ZNF496: variants seen among roughly 807,000 people sequenced by gnomAD.
ZNF496 encodes NSD1 (nuclear receptor binding SET-domain containing 1)-interacting zinc finger protein 1.
In ZNF496, 11 loss-of-function variants were observed where a neutral mutation model predicts 58.9. The ratio of observed to expected loss-of-function variants is 0.19; its 90% CI spans 0.12 to 0.31. The LOEUF (loss-of-function observed/expected upper bound fraction) is 0.31, where lower values mean the gene tolerates loss of function less well. Ranked by LOEUF, ZNF496 falls within the 10% of genes least tolerant of loss-of-function variation. The probability of loss-of-function intolerance (pLI) is 1.00; values close to 1 mark genes in which losing one functional copy is unlikely to be tolerated. For missense variants in ZNF496, 660 were observed against 783.0 expected, an observed-to-expected ratio of 0.84 and a Z score of 1.88; for synonymous variants, 338 against 318.2, an observed-to-expected ratio of 1.06 and a Z score of -0.66.
chr1:247,321,139 A>G (rs551516809), intron 6 of ZNF496, among the ~76,000 whole-genome samples: 22 of 152,016 alleles, frequency 1.4e-4, no homozygotes, highest in Admixed American at 3.3e-4. Flanking sequence ...TCGAGCCACT[A>G]CACTTCAGCC....
At chr1:247,310,656 TG>T in intron 6 of ZNF496, 200 bp from the exon 7 acceptor site, 1 of 602,444 alleles carries the variant, frequency 1.7e-6, no homozygotes, top group Non-Finnish European at 2.9e-6. Context: ...GCCCACTTCT[TG>T]GTCAAAAGAC....
chr1:247,328,199 C>T (rs998182433), intron 5 of ZNF496, among the ~76,000 whole-genome samples: 1 of 152,234 alleles, frequency 6.6e-6, no homozygotes, highest in Non-Finnish European at 1.5e-5. Context: ...TGGCCCCACA[C>T]ACTAGACACC....
chr1:247,320,053 G>C lies in ZNF496; in HGVS notation c.651+3101C>G, dbSNP rs189838827. On this transcript the variant is annotated intron_variant, in intron 6 of 9. Transcript: ENST00000682384. Reference sequence around the variant, plus strand: ...TTATTAATCAAAAGAAAGAAGAAAAGCTATATTAACATCAGATAAGAGTAC... The same window carrying C: ...TTATTAATCAAAAGAAAGAAGAAAACCTATATTAACATCAGATAAGAGTAC... Among the ~76,000 whole-genome samples the C allele has an allele frequency of 2.1e-3, 313 of 152,256 alleles. 1 individual carries two copies. The highest frequency in any genetic ancestry group is 0.014 in the Middle Eastern group (4 of 294).
At chr1:247,303,570 C>G (rs952335178) in intron 9 of ZNF496, among the ~76,000 whole-genome samples, 2 of 152,080 alleles carry the variant, frequency 1.3e-5, no homozygotes, top group Non-Finnish European at 1.5e-5. Flanking sequence ...GGAGATCCTC[C>G]AATTATAAAG....
chr1:247,310,776 A>T (rs1292023375), intron 6 of ZNF496: 1 of 241,334 alleles, frequency 4.1e-6, no homozygotes, highest in Non-Finnish European at 8.1e-6. Flanking sequence ...TTACCAGATC[A>T]TCTCCCCAAA....
intron 9 of ZNF496, among the ~76,000 whole-genome samples, chr1:247,302,656 C>T (rs1188141435): frequency 1.3e-5 from 2 of 152,070 alleles, no homozygotes; most frequent in Admixed American, 6.5e-5. Flanking sequence ...CTATGTTTGA[C>T]GCTTATCTCG....
intron 6 of ZNF496, chr1:247,322,928 T>C: frequency 2.6e-6 from 2 of 780,630 alleles, no homozygotes; most frequent in Non-Finnish European, 3.9e-6. Context: ...CAAAGCTTCC[T>C]GAAGGTGGCC....
chr1:247,327,062 C>CTT (rs928729699), intron 5 of ZNF496, among the ~76,000 whole-genome samples: 1 of 151,248 alleles, frequency 6.6e-6, no homozygotes, highest in Non-Finnish European at 1.5e-5. Context: ...CTCCTAGCTC[C>CTT]TTTTTTTTTG....
Position 247,309,851 on chromosome 1 carries a change from T to C in ZNF496, c.785-45A>G. Reference sequence around the variant, plus strand: ...GGGTACATGTTTATTAGTAATCTGATCCTGCAGCAACCAGGGCTGGTCCAG... The same window carrying C: ...GGGTACATGTTTATTAGTAATCTGACCCTGCAGCAACCAGGGCTGGTCCAG... On this transcript the variant is annotated intron_variant, in intron 7 of 9. Coordinates refer to ENST00000682384, the MANE Select transcript of ZNF496 (RefSeq NM_032752.3). This position sits in a 1 kb window ranked among gnomAD's most constrained non-coding sequence, Gnocchi z 4.3. 2 of 1,602,410 alleles carry C rather than the reference T, an allele frequency of 1.2e-6. No individual in the cohort carries two copies. The highest frequency in any genetic ancestry group is 1.7e-6 in the Non-Finnish European group (2 of 1,171,032).
rs1481539109 is a variant in ZNF496 at position 247,308,594 on chromosome 1, C to G, written c.893-6G>C. ...TGGCTGGAGACTTGGAGAGTCTTTC[C>G]AGAGGAGGAAATGGAAAAATTGATT... On this transcript the variant is annotated splice_region_variant and splice_polypyrimidine_tract_variant and intron_variant, in intron 8 of 9. Transcript: ENST00000682384. This position sits in a 1 kb window ranked among gnomAD's most constrained non-coding sequence, Gnocchi z 4.5. 1 of 1,612,950 alleles carries G rather than the reference C, an allele frequency of 6.2e-7. No individual in the cohort carries two copies. Among genetic ancestry groups the G allele is most frequent in the Non-Finnish European group, 8.5e-7 (1 of 1,179,138 alleles).
At chr1:247,307,068 A>G (rs924974117) in intron 9 of ZNF496, 2 of 983,846 alleles carry the variant, frequency 2.0e-6, no homozygotes, top group African/African-American at 3.5e-5. Flanking sequence ...CATAGAACAC[A>G]ATAAACAAGA....
At chr1:247,307,570 A>T (rs558253562) in intron 9 of ZNF496, 1 of 985,402 alleles carries the variant, frequency 1.0e-6, no homozygotes, top group South Asian at 4.7e-5. Context: ...TTAGAAAACC[A>T]GGGGTGGGCA....
chr1:247,307,504 A>G, intron 9 of ZNF496: 1 of 985,394 alleles, frequency 1.0e-6, no homozygotes, highest in African/African-American at 1.7e-5. Context: ...CCTGCGCTTG[A>G]ACTCCAAGTG....
At chr1:247,305,127 G>T (rs7522071) in intron 9 of ZNF496, among the ~76,000 whole-genome samples, 36,163 of 152,024 alleles carry the variant, frequency 0.24, 4,516 homozygotes, top group East Asian at 0.41. Context: ...GTAATTAAGT[G>T]AACATGACGA....
chr1:247,302,070 C>T (rs778726881), intron 9 of ZNF496, among the ~76,000 whole-genome samples: 138 of 152,030 alleles, frequency 9.1e-4, no homozygotes, highest in Non-Finnish European at 5.7e-4. Flanking sequence ...GTGCAGAGCC[C>T]GGCCTGAGGT....
intron 6 of ZNF496, among the ~76,000 whole-genome samples, chr1:247,322,197 G>A (rs955224292): frequency 6.6e-6 from 1 of 152,112 alleles, no homozygotes; most frequent in African/African-American, 2.4e-5. Flanking sequence ...GTGGGAGGAT[G>A]GCTTGAGCTC....
Position 247,300,216 on chromosome 1 carries a change from TTGGGGAGCA to T in ZNF496, c.*294_*302del. 3.8e-6 allele frequency: 1 copy of T among 266,644 alleles called. No homozygotes were observed. The highest frequency in any genetic ancestry group is 2.2e-5 in the African/African-American group (1 of 45,600). The allele number at this position is 266,644 out of a possible 1,614,324, so 16.5% of individuals were successfully genotyped here. On this transcript the variant is annotated 3_prime_UTR_variant, in exon 10 of 10. Transcript: ENST00000682384. This position sits in a 1 kb window ranked among gnomAD's most constrained non-coding sequence, Gnocchi z 5.7. Reference sequence around the variant, plus strand: ...GATAGCCCAGTTTTACTCCCCGAGCTTGGGGAGCATGGGCCAAGGGTCTCTAAGACGCAG... The same window carrying T: ...GATAGCCCAGTTTTACTCCCCGAGCTTGGGCCAAGGGTCTCTAAGACGCAG...
In ZNF496 at chr1:247,328,733, T is replaced by C; in HGVS notation, c.524A>G (p.Gln175Arg). ...TGGTCTGCTTGGGAGCCCCAGGCAC[T>C]GTGCCAGGGTTATGGGCTGGGCATC... ...NQDAQPITLAQCLGLPSRPPS... is the reference protein window; with the variant it reads ...NQDAQPITLARCLGLPSRPPS... Residue 175 changes from glutamine (Q) to arginine (R), a missense_variant, in exon 5 of 10, where the codon CAG (glutamine) becomes CGG (arginine). By Grantham distance (43) the Gln-to-Arg change is conservative. Transcript: ENST00000682384. 1 of 1,611,304 alleles carries C rather than the reference T, an allele frequency of 6.2e-7. No individual in the cohort carries two copies. The highest frequency in any genetic ancestry group is 8.5e-7 in the Non-Finnish European group (1 of 1,178,836).
At chr1:247,317,303 A>G (rs1050141016) in intron 6 of ZNF496, among the ~76,000 whole-genome samples, 3 of 152,128 alleles carry the variant, frequency 2.0e-5, no homozygotes, top group African/African-American at 4.8e-5. Context: ...AGAAATACCC[A>G]TGGGCACAGA....
Sources: gnomAD v4.1 joint callset for allele counts (sites outside exome capture counted in the v4.1 genomes callset) on GRCh38, gnomAD v4.1.1 for gene constraint, Gnocchi (gnomAD v3.1) non-coding constraint, MANE v1.5 for transcripts, NCBI Gene and HGNC (gene_info 2026-07-23, HGNC 2026-07-21) for gene names.